C9orf50: variants seen among roughly 807,000 people sequenced by gnomAD.
The protein encoded by C9orf50 is uncharacterized protein C9orf50.
A neutral mutation model predicts 42.5 loss-of-function variants in C9orf50; 33 were observed. The ratio of observed to expected loss-of-function variants is 0.78; its 90% CI spans 0.59 to 1.04. C9orf50 has a LOEUF of 1.04. C9orf50 is among the 50% of genes least tolerant of loss of function. The probability of loss-of-function intolerance (pLI) is 0.00; values close to 1 mark genes in which losing one functional copy is unlikely to be tolerated. For synonymous variants in C9orf50, 257 were observed against 273.4 expected (o/e 0.94, Z 0.59); for missense variants, 547 against 594.3 (o/e 0.92, Z 0.83).
Position 129,614,336 on chromosome 9 carries a change from C to T in C9orf50, c.881-739G>A, listed in dbSNP as rs1399759432. ...AGCTTCTAACTCCAGCTTCCTGTCA[C>T]GCTAAGGAGGCTGCGTCAGATCCCT... is the stretch of plus-strand genomic sequence containing the variant. On this transcript the variant is annotated intron_variant, in intron 4 of 6. Coordinates refer to ENST00000372478, the Ensembl canonical transcript of C9orf50. The surrounding 1 kb of genome is among the most constrained non-coding windows in gnomAD (Gnocchi z 4.4). Among the ~76,000 whole-genome samples the T allele has an allele frequency of 1.3e-5, 2 of 152,174 alleles. No individual in the cohort carries two copies. Among genetic ancestry groups the T allele is most frequent in the South Asian group, 2.1e-4 (1 of 4,828 alleles).
chr9:129,619,515 C>CT lies in C9orf50; in HGVS notation c.716+4dup. The CT allele has an allele frequency of 1.2e-6, 2 of 1,606,052 alleles. No homozygotes were observed. Among genetic ancestry groups the CT allele is most frequent in the Non-Finnish European group, 1.7e-6 (2 of 1,173,326 alleles). On this transcript the variant is annotated splice_donor_region_variant and intron_variant, in intron 3 of 6. Transcript: ENST00000372478. ...TACCCTACCCTTATCCCGCCCATCACTCACTGGTTGGCCTTTCTGACAGTG... is the reference window on the plus strand; with the variant it reads ...TACCCTACCCTTATCCCGCCCATCACTTCACTGGTTGGCCTTTCTGACAGTG...
intron 1 of C9orf50, 83 bp from the exon 2 acceptor site, chr9:129,619,913 A>G (rs1830591194): frequency 6.6e-7 from 1 of 1,525,510 alleles, no homozygotes; most frequent in Non-Finnish European, 9.1e-7. Flanking sequence ...ATGGCAGACC[A>G]GCCCTCAAGG....
In C9orf50 at chr9:129,614,552, T is replaced by C. The variant is rs1830257606; in HGVS notation, c.880+932A>G. Among the ~76,000 whole-genome samples the C allele has an allele frequency of 6.6e-6, 1 of 152,068 alleles. No individual in the cohort carries two copies. The highest frequency in any genetic ancestry group is 2.4e-5 in the African/African-American group (1 of 41,404). ...AGAAAAAGGTGGAGCTTAGTCAAGG[T>C]TATACCAGAGTAAGAACAGGGACTT... On this transcript the variant is annotated intron_variant, in intron 4 of 6. Coordinates refer to ENST00000372478, the Ensembl canonical transcript of C9orf50. This position sits in a 1 kb window ranked among gnomAD's most constrained non-coding sequence, Gnocchi z 4.4.
intron 1 of C9orf50, 23 bp from the exon 2 acceptor site, chr9:129,619,853 G>A: frequency 6.2e-7 from 1 of 1,610,930 alleles, no homozygotes; most frequent in Non-Finnish European, 8.5e-7. Context: ...GGAAACAGTT[G>A]TGAGCCTTGG....
Position 129,620,538 on chromosome 9 carries a change from G to A in C9orf50, c.37C>T (p.Leu13=), listed in dbSNP as rs764915212. 7.0e-7 allele frequency: 1 copy of A among 1,428,784 alleles called. No individual in the cohort carries two copies. The highest frequency in any genetic ancestry group is 9.2e-7 in the Non-Finnish European group (1 of 1,088,102). The allele number at this position is 1,428,784 out of a possible 1,614,324, so 88.5% of individuals were successfully genotyped here. Residue 13 remains leucine (L), a synonymous_variant, in exon 1 of 7, where the codon CTG becomes TTG. Coordinates refer to ENST00000372478, the Ensembl canonical transcript of C9orf50. This position sits in a 1 kb window ranked among gnomAD's most constrained non-coding sequence, Gnocchi z 5.8. ...TCGCCAGGGAGCCCCTTGGGCGCCAGGTCCTGGGCCCCTGGGCGAAGTCGA... is the reference window on the plus strand; with the variant it reads ...TCGCCAGGGAGCCCCTTGGGCGCCAAGTCCTGGGCCCCTGGGCGAAGTCGA...
intron 3 of C9orf50, among the ~76,000 whole-genome samples, chr9:129,617,605 A>G (rs967830662): frequency 5.9e-5 from 9 of 152,194 alleles, no homozygotes; most frequent in Admixed American, 5.9e-4. Flanking sequence ...ATTTATTTGT[A>G]TCTTGTGAGA....
upstream of C9orf50, among the ~76,000 whole-genome samples, chr9:129,621,083 C>G (rs530932879): frequency 1.6e-4 from 24 of 152,358 alleles, no homozygotes; most frequent in Non-Finnish European, 3.2e-4. Context: ...ACGGCATCAC[C>G]GCATCACCGC....
chr9:129,621,424 A>G (rs867468357), upstream of C9orf50, among the ~76,000 whole-genome samples: 9 of 152,338 alleles, frequency 5.9e-5, no homozygotes, highest in South Asian at 2.1e-4. Context: ...TGGCACCATC[A>G]TAGCTCACTG....
At chr9:129,615,596 G>T in exon 4 of C9orf50, 1 of 1,604,906 alleles carries the variant, frequency 6.2e-7, no homozygotes. Context: ...CCCCCGAGGG[G>T]TTGTGGGTCA....
chr9:129,617,022 G>A lies in C9orf50; in HGVS notation c.717-1375C>T, dbSNP rs143491643. Among the ~76,000 whole-genome samples, 256 of 152,108 alleles carry A rather than the reference G, an allele frequency of 1.7e-3. 2 individuals carry two copies. Among genetic ancestry groups the A allele is most frequent in the African/African-American group, 5.9e-3 (244 of 41,472 alleles). On this transcript the variant is annotated intron_variant, in intron 3 of 6. Transcript: ENST00000372478. The stretch of plus-strand genomic sequence containing the variant: ...GTAGAGGTTGCAGTGAGCCGAGATC[G>A]TGCCACTGCACTCCAGCCTAGGGAC...
At chr9:129,615,593 G>A in exon 4 of C9orf50, 1 of 1,605,400 alleles carries the variant, frequency 6.2e-7, no homozygotes, top group Non-Finnish European at 8.5e-7. Context: ...CTTCCCCCGA[G>A]GGGTTGTGGG....
At chr9:129,620,878 C>G (rs1449859349), upstream of C9orf50, 3 of 319,258 alleles carry the variant, frequency 9.4e-6, no homozygotes, top group Non-Finnish European at 5.7e-6. This position sits in a 1 kb window ranked among gnomAD's most constrained non-coding sequence, Gnocchi z 5.8. Context: ...GCCAGGCACG[C>G]TGGCCAAGCT....
intron 6 of C9orf50, 59 bp from the exon 7 acceptor site, chr9:129,612,513 C>T: frequency 1.5e-6 from 2 of 1,351,324 alleles, no homozygotes; most frequent in Non-Finnish European, 2.1e-6. Flanking sequence ...GGGGACTGGG[C>T]TCCCAGTGGG....
chr9:129,615,562 G>A (rs151231351), exon 4 of C9orf50: 23 of 1,609,560 alleles, frequency 1.4e-5, no homozygotes, highest in Non-Finnish European at 1.9e-5. Context: ...AAAGGGCAAC[G>A]CTGCCTGCAG....
Position 129,613,493 on chromosome 9 carries a change from A to G in C9orf50, c.985T>C (p.Tyr329His). Reference sequence around the variant, plus strand: ...AGGGTCTCCTCCTTGGCCCCAGGGTACAGGGCTTTGGGCAAACTCTCCAGC... The same window carrying G: ...AGGGTCTCCTCCTTGGCCCCAGGGTGCAGGGCTTTGGGCAAACTCTCCAGC... Residue 329 changes from tyrosine (Y) to histidine (H), a missense_variant, in exon 5 of 7, where the codon TAC (tyrosine) becomes CAC (histidine). Tyr to His is a moderately conservative substitution (Grantham distance 83, BLOSUM62 2). This residue lies in a region of C9orf50 where 334 missense variants were observed against 323.7 expected (regional missense o/e 1.03). Coordinates refer to ENST00000372478, the Ensembl canonical transcript of C9orf50. This position sits in a 1 kb window ranked among gnomAD's most constrained non-coding sequence, Gnocchi z 6.2. 1.2e-6 allele frequency: 2 copies of G among 1,614,152 alleles called. No homozygotes were observed. The highest frequency in any genetic ancestry group is 1.6e-4 in the Middle Eastern group (1 of 6,062).
rs1035419607 is a variant in C9orf50, at chr9:129,613,365, G to T, written c.1043+70C>A. 1 of 1,588,046 alleles carries T rather than the reference G, an allele frequency of 6.3e-7. No individual in the cohort carries two copies. On this transcript the variant is annotated intron_variant, in intron 5 of 6. Transcript: ENST00000372478. The surrounding 1 kb of genome is among the most constrained non-coding windows in gnomAD (Gnocchi z 6.2). ...AACCCGCCTGCTGCTGGGTGGGGAGGTCTGTAGGCAAGGGGGGTGGAGGGC... is the reference window on the plus strand; with the variant it reads ...AACCCGCCTGCTGCTGGGTGGGGAGTTCTGTAGGCAAGGGGGGTGGAGGGC...
In C9orf50 at chr9:129,613,075, T is replaced by A. The variant is rs1830166202; in HGVS notation, c.1188+32A>T. 1.9e-6 allele frequency: 3 copies of A among 1,612,734 alleles called. No homozygotes were observed. The highest frequency in any genetic ancestry group is 2.5e-6 in the Non-Finnish European group (3 of 1,179,888). On this transcript the variant is annotated intron_variant, in intron 6 of 6. Transcript: ENST00000372478. This position sits in a 1 kb window ranked among gnomAD's most constrained non-coding sequence, Gnocchi z 6.2. ...CAGCTGCCAGCAGGGGCTCACCAGCTTCTAGGTCCAGGAGCAAGACCATTT... is the reference window on the plus strand; with the variant it reads ...CAGCTGCCAGCAGGGGCTCACCAGCATCTAGGTCCAGGAGCAAGACCATTT...
intron 3 of C9orf50, among the ~76,000 whole-genome samples, chr9:129,616,074 T>G (rs1588115481): frequency 1.3e-5 from 2 of 152,278 alleles, no homozygotes; most frequent in South Asian, 4.1e-4. Context: ...CTGACCCTTT[T>G]GAGCCTCAGT....
At position 129,615,993 on chromosome 9, in the gene C9orf50, C is replaced by T. The variant is rs189774985; in HGVS notation, c.717-346G>A. On this transcript the variant is annotated intron_variant, in intron 3 of 6. Transcript: ENST00000372478. ...ATCCTGGTTCCAGAGCTGGCGCCCT[C>T]GCACGTAAAGCAATTTAGCAGAGAG... 2.3e-3 allele frequency among the ~76,000 whole-genome samples: 349 copies of T among 152,312 alleles called. 2 individuals are homozygous for T. Among genetic ancestry groups the T allele is most frequent in the African/African-American group, 7.8e-3 (325 of 41,576 alleles).
Sources: allele counts gnomAD v4.1 joint callset (sites outside exome capture counted in the v4.1 genomes callset), GRCh38; gene constraint gnomAD v4.1.1; regional missense constraint gnomAD v4.1.1; non-coding constraint Gnocchi (gnomAD v3.1); transcripts MANE v1.5; gene names NCBI Gene and HGNC (gene_info 2026-07-23, HGNC 2026-07-21).